The following ZNF804B variants were observed in gnomAD, a reference collection of about 807,000 sequenced individuals.
ZNF804B encodes zinc finger protein 804B.
Under a neutral mutation model 101.4 loss-of-function variants are expected in ZNF804B, and 80 were observed. The ratio of observed to expected loss-of-function variants is 0.79; its 90% CI spans 0.66 to 0.95. ZNF804B has a LOEUF of 0.95. ZNF804B is among the 40% of genes least tolerant of loss of function. ZNF804B has a pLI of 0.00. For missense variants in ZNF804B, 1,673 were observed against 1,561.9 expected (o/e 1.07, Z -1.20); for synonymous variants, 622 against 558.8 (o/e 1.11, Z -1.59).
At chr7:89,208,783 T>A (rs1445610254) in intron 1 of ZNF804B, among the ~76,000 whole-genome samples, 7 of 151,956 alleles carry the variant, frequency 4.6e-5, no homozygotes, top group Middle Eastern at 3.4e-3. Flanking sequence ...GAGGCCGAGG[T>A]GGGTGGATCA....
intron 1 of ZNF804B, among the ~76,000 whole-genome samples, chr7:88,797,755 C>T (rs939462742): frequency 2.6e-5 from 4 of 152,116 alleles, no homozygotes; most frequent in African/African-American, 9.7e-5. Context: ...TGAGAACTAT[C>T]CCTCAAGATA....
At chr7:88,779,098 A>T (rs184207516) in intron 1 of ZNF804B, among the ~76,000 whole-genome samples, 13 of 152,342 alleles carry the variant, frequency 8.5e-5, no homozygotes, top group Admixed American at 7.8e-4. Context: ...AAAAAAGACT[A>T]CTAAATGACA....
rs763373432 is a variant in ZNF804B, at chr7:88,760,136, A to G, written c.108+52A>G. On this transcript the variant is annotated intron_variant, in intron 1 of 3. Transcript: ENST00000333190. ...TACACAAACGTTCCAACTCAACACA[A>G]ACAAAAAGATATTGAGAGATAGTAT... The G allele has an allele frequency of 7.6e-6, 11 of 1,446,786 alleles. No individual in the cohort carries two copies. In the East Asian group the frequency reaches 2.5e-4, roughly 33 times the overall value. 89.6% of individuals were successfully genotyped at this position (1,446,786 alleles called of 1,614,324 possible).
intron 1 of ZNF804B, among the ~76,000 whole-genome samples, chr7:88,856,763 T>G (rs937000873): frequency 1.3e-5 from 2 of 152,182 alleles, no homozygotes; most frequent in African/African-American, 2.4e-5. Context: ...TAGCTCTTAT[T>G]ATTTTGAGAT....
At chr7:89,101,022 A>G (rs745939867) in intron 1 of ZNF804B, among the ~76,000 whole-genome samples, 2 of 152,084 alleles carry the variant, frequency 1.3e-5, no homozygotes, top group Non-Finnish European at 2.9e-5. Context: ...CAAACCACCC[A>G]CAAAAAGAAA....
chr7:88,759,799 A>G lies in ZNF804B; in HGVS notation c.-178A>G. ...CTCTGTCAGAGCAGCAGCTGTCGGC[A>G]GCAGGAGCCCCGCACGGGGCGCGGA... On this transcript the variant is annotated 5_prime_UTR_variant, in exon 1 of 4. Coordinates refer to ENST00000333190, the MANE Select transcript of ZNF804B (RefSeq NM_181646.5). The G allele has an allele frequency of 1.7e-6, 1 of 602,894 alleles. No individual in the cohort carries two copies. 37.3% of individuals were successfully genotyped at this position (602,894 alleles called of 1,614,324 possible). A position where few individuals can be genotyped will look rare whatever the true frequency, so the allele number is the denominator to read the frequency against.
intron 1 of ZNF804B, among the ~76,000 whole-genome samples, chr7:89,111,519 A>T (rs548057142): frequency 6.6e-6 from 1 of 152,140 alleles, no homozygotes; most frequent in Admixed American, 6.5e-5. Context: ...TGCCACATGA[A>T]TGTCTTTAGT....
chr7:89,150,187 G>C (rs1406521583), intron 1 of ZNF804B, among the ~76,000 whole-genome samples: 2 of 151,864 alleles, frequency 1.3e-5, no homozygotes, highest in Non-Finnish European at 2.9e-5. Context: ...ATTTGCCCAG[G>C]AGTCAGGAGC....
intron 1 of ZNF804B, among the ~76,000 whole-genome samples, chr7:89,111,928 A>G (rs1790223748): frequency 6.6e-6 from 1 of 151,896 alleles, no homozygotes; most frequent in East Asian, 1.9e-4. Context: ...ATATGGTGAG[A>G]CTCCATCTCT....
At chr7:88,899,849 C>T (rs533611100) in intron 1 of ZNF804B, among the ~76,000 whole-genome samples, 16 of 152,108 alleles carry the variant, frequency 1.1e-4, no homozygotes, top group Non-Finnish European at 1.5e-4. Flanking sequence ...ACTTTTAAGA[C>T]GGAAAAGAAG....
chr7:89,195,951 T>G (rs1788542953), intron 1 of ZNF804B, among the ~76,000 whole-genome samples: 1 of 152,026 alleles, frequency 6.6e-6, no homozygotes, highest in Non-Finnish European at 1.5e-5. Flanking sequence ...ATAAGAAGAA[T>G]CAACATCATG....
Position 89,338,214 on chromosome 7 carries a change from G to A in ZNF804B, c.*1182G>A, listed in dbSNP as rs1339575459. 6.6e-6 allele frequency among the ~76,000 whole-genome samples: 1 copy of A among 151,994 alleles called. No homozygotes were observed. The highest frequency in any genetic ancestry group is 1.5e-5 in the Non-Finnish European group (1 of 67,938). On this transcript the variant is annotated 3_prime_UTR_variant, in exon 4 of 4. Coordinates refer to ENST00000333190, the MANE Select transcript of ZNF804B (RefSeq NM_181646.5). ...GAAAATCAAACTTAACAGAAATGGAGGTAATCATTTATCTAATGCTGTCTA... is the reference window on the plus strand; with the variant it reads ...GAAAATCAAACTTAACAGAAATGGAAGTAATCATTTATCTAATGCTGTCTA...
intron 1 of ZNF804B, among the ~76,000 whole-genome samples, chr7:89,103,635 G>C (rs2373839): frequency 6.6e-6 from 1 of 151,432 alleles, no homozygotes; most frequent in Middle Eastern, 3.2e-3. Context: ...CTTCTAAAGA[G>C]GTCTTTAGGG....
intron 1 of ZNF804B, among the ~76,000 whole-genome samples, chr7:89,119,140 AC>A (rs1438176698): frequency 5.3e-5 from 8 of 152,190 alleles, no homozygotes; most frequent in African/African-American, 1.9e-4. Context: ...TAGCCCCTTG[AC>A]CTACCTGACC....
intron 2 of ZNF804B, among the ~76,000 whole-genome samples, chr7:89,324,698 T>A (rs980113750): frequency 6.6e-6 from 1 of 151,288 alleles, no homozygotes; most frequent in South Asian, 2.1e-4. Flanking sequence ...TAAAACACTT[T>A]ATCATTTTAA....
At chr7:88,884,812 A>G (rs1792099786) in intron 1 of ZNF804B, among the ~76,000 whole-genome samples, 1 of 151,840 alleles carries the variant, frequency 6.6e-6, no homozygotes, top group South Asian at 2.1e-4. Flanking sequence ...TATATAGATA[A>G]TTTTTATTTC....
chr7:88,937,798 A>G (rs1792995813), intron 1 of ZNF804B, among the ~76,000 whole-genome samples: 1 of 152,108 alleles, frequency 6.6e-6, no homozygotes, highest in Non-Finnish European at 1.5e-5. Context: ...AGGATAGTCC[A>G]AAGCCCTACC....
At chr7:89,090,253 G>A (rs983905262) in intron 1 of ZNF804B, among the ~76,000 whole-genome samples, 1 of 151,874 alleles carries the variant, frequency 6.6e-6, no homozygotes, top group African/African-American at 2.4e-5. Context: ...TTATTGCTAC[G>A]TCTTTACCTC....
At chr7:89,013,023 G>T (rs1788488402) in intron 1 of ZNF804B, among the ~76,000 whole-genome samples, 1 of 152,108 alleles carries the variant, frequency 6.6e-6, no homozygotes, top group Non-Finnish European at 1.5e-5. Context: ...GGAAATGCCA[G>T]ACACTTATAA....
Sources: allele counts gnomAD v4.1 joint callset (sites outside exome capture counted in the v4.1 genomes callset), GRCh38; gene constraint gnomAD v4.1.1; transcripts MANE v1.5; gene names NCBI Gene and HGNC (gene_info 2026-07-23, HGNC 2026-07-21).